GGT1: variants seen among roughly 807,000 people sequenced by gnomAD.
GGT1 encodes the protein gamma-glutamyltransferase 1, also known as glutathione hydrolase 1 proenzyme.
GGT1 carries 21 observed loss-of-function variants against 56.0 expected under a neutral mutation model. That is an observed-to-expected ratio of 0.38 (90% CI 0.27 to 0.54). The LOEUF is 0.54. Ranked by LOEUF, GGT1 falls within the 20% of genes least tolerant of loss-of-function variation. The pLI is 0.82. For missense variants in GGT1, 466 were observed against 787.0 expected, an observed-to-expected ratio of 0.59 and a Z score of 4.88; for synonymous variants, 238 against 342.6, an observed-to-expected ratio of 0.69 and a Z score of 3.37.
intron 9 of GGT1, among the ~76,000 whole-genome samples, chr22:24,621,764 C>T (rs184621272): frequency 6.6e-6 from 1 of 152,200 alleles, no homozygotes; most frequent in East Asian, 1.9e-4. Flanking sequence ...AGAAAAGGCC[C>T]TCTGAGCCAG....
upstream of GGT1, among the ~76,000 whole-genome samples, chr22:24,600,633 C>T (rs2045766959): frequency 2.0e-5 from 3 of 152,216 alleles, no homozygotes; most frequent in South Asian, 6.2e-4. Context: ...GGAGTTCTGC[C>T]CATGCCCACA....
chr22:24,601,396 A>G (rs1358991296), upstream of GGT1, among the ~76,000 whole-genome samples: 1 of 152,198 alleles, frequency 6.6e-6, no homozygotes, highest in Admixed American at 6.5e-5. Flanking sequence ...TGGGGCTGCA[A>G]TGAGATGCCA....
At chr22:24,589,275 G>A in the GGT1 span, 2,341 of 1,247,996 alleles carry the variant, frequency 1.9e-3, 2 homozygotes, top group Admixed American at 2.8e-3. Flanking sequence ...GCTGTGGGGT[G>A]GAGGCTGCAG....
the GGT1 span, chr22:24,585,863 C>A: frequency 6.5e-7 from 1 of 1,547,572 alleles, no homozygotes; most frequent in East Asian, 2.4e-5. Context: ...AAGTCAGTAG[C>A]AATGAGCCAG....
chr22:24,612,123 A>G (rs764388435), intron 5 of GGT1, among the ~76,000 whole-genome samples: 1 of 151,804 alleles, frequency 6.6e-6, no homozygotes, highest in Non-Finnish European at 1.5e-5. Context: ...TGTTTTTAGT[A>G]GAGATGGGGT....
chr22:24,623,050 T>C, intron 9 of GGT1, 57 bp from the exon 10 acceptor site: 1 of 1,609,304 alleles, frequency 6.2e-7, no homozygotes, highest in Admixed American at 1.7e-5. Flanking sequence ...AGCTCCATCC[T>C]CCACGCAGTG....
At chr22:24,621,112 G>C in intron 9 of GGT1, 42 bp downstream of exon 9, 1 of 1,548,430 alleles carries the variant, frequency 6.5e-7, no homozygotes, top group Non-Finnish European at 8.7e-7. Context: ...GAACTCTGCA[G>C]TGGAAACCCT....
At chr22:24,586,051 G>A in the GGT1 span, 13 of 1,611,636 alleles carry the variant, frequency 8.1e-6, no homozygotes, top group South Asian at 6.6e-5. Context: ...GGCGCAGGCC[G>A]ACCAGCAGGG....
rs2047338622 is a variant in GGT1 at position 24,620,254 on chromosome 22, T to A, written c.383-74T>A. ...CATCTGTAAAATGAGTCAGGGACTG[T>A]GCCTGGGATGCTGCCTGCGAGAGAT... On this transcript the variant is annotated intron_variant, in intron 7 of 15. Coordinates refer to ENST00000400382, the MANE Select transcript of GGT1 (RefSeq NM_001288833.2). This position sits in a 1 kb window ranked among gnomAD's most constrained non-coding sequence, Gnocchi z 5.6. The A allele has an allele frequency of 6.6e-7, 1 of 1,521,056 alleles. No homozygotes were observed. Among genetic ancestry groups the A allele is most frequent in the South Asian group, 1.2e-5 (1 of 84,152 alleles). 94.2% of individuals were successfully genotyped at this position (1,521,056 alleles called of 1,614,324 possible). A position where few individuals can be genotyped will look rare whatever the true frequency, so the allele number is the denominator to read the frequency against.
At chr22:24,594,240 G>A (rs1239868762), upstream of GGT1, among the ~76,000 whole-genome samples, 4 of 152,062 alleles carry the variant, frequency 2.6e-5, no homozygotes, top group Admixed American at 6.6e-5. Context: ...CATCTCCTGC[G>A]TGGGGAACGT....
chr22:24,611,555 T>TATCTATC (rs2046678676), intron 5 of GGT1, among the ~76,000 whole-genome samples: 1 of 57,910 alleles, frequency 1.7e-5, no homozygotes, highest in Non-Finnish European at 4.0e-5. Flanking sequence ...TCTATCTATC[T>TATCTATC]ATCTATCTAT....
intron 7 of GGT1, among the ~76,000 whole-genome samples, chr22:24,617,146 G>C (rs1301912180): frequency 6.6e-6 from 1 of 152,174 alleles, no homozygotes; most frequent in Non-Finnish European, 1.5e-5. Context: ...ATCTGGGACT[G>C]TATAGAGGGT....
At chr22:24,612,327 A>C (rs1406645197) in intron 5 of GGT1, among the ~76,000 whole-genome samples, 2 of 141,556 alleles carry the variant, frequency 1.4e-5, no homozygotes, top group African/African-American at 2.7e-5. Context: ...TTATACTTTA[A>C]GTTTTAGGGT....
chr22:24,628,990 G>C lies in GGT1; in HGVS notation c.*151G>C, dbSNP rs1300009428. 70 of 1,079,150 alleles carry C rather than the reference G, an allele frequency of 6.5e-5. No individual in the cohort carries two copies. Among genetic ancestry groups the C allele is most frequent in the Non-Finnish European group, 7.6e-5 (56 of 741,444 alleles). The allele number at this position is 1,079,150 out of a possible 1,614,324, so 66.8% of individuals were successfully genotyped here. ...TGCCAGGCTCCAGGTGGCCTCCCTG[G>C]CCTGTCTCCCCACTCTCTGGGCCTC... On this transcript the variant is annotated 3_prime_UTR_variant, in exon 16 of 16. Transcript: ENST00000400382. The surrounding 1 kb of genome is among the most constrained non-coding windows in gnomAD (Gnocchi z 5.7).
the GGT1 span, chr22:24,585,968 G>A: frequency 6.2e-7 from 1 of 1,609,884 alleles, no homozygotes; most frequent in Non-Finnish European, 8.5e-7. Flanking sequence ...GGTGGCCCCG[G>A]CCGCACTGCC....
intron 1 of GGT1, among the ~76,000 whole-genome samples, chr22:24,596,651 G>A (rs907652389): frequency 4.0e-5 from 6 of 150,398 alleles, no homozygotes; most frequent in Non-Finnish European, 5.9e-5. Context: ...TGTAATCCCA[G>A]CACTTTTGGA....
In GGT1 at chr22:24,621,066, G is replaced by A. The variant is rs1414615168; in HGVS notation, c.729G>A (p.Ala243=). The stretch of plus-strand genomic sequence containing the variant: ...CCCAGATTGTGAAGGACATCCAGGC[G>A]GCCGGTGAGTGGGTAACCTCAGGGG... ...LTAQIVKDIQ[A]AGGIVTAEDL... is the part of the protein sequence containing the mutation. Residue 243 remains alanine (A), a synonymous_variant, in exon 9 of 16, where the codon GCG becomes GCA. Transcript: ENST00000400382. The A allele has an allele frequency of 6.3e-6, 10 of 1,575,892 alleles. No homozygotes were observed. Among genetic ancestry groups the A allele is most frequent in the Middle Eastern group, 4.5e-4 (2 of 4,420 alleles).
upstream of GGT1, chr22:24,592,691 C>A: frequency 8.4e-7 from 1 of 1,186,378 alleles, no homozygotes; most frequent in Non-Finnish European, 1.1e-6. Context: ...CAAGACCCCG[C>A]GTGCTGCAGC....
At chr22:24,610,773 G>C (rs1270038748) in intron 4 of GGT1, among the ~76,000 whole-genome samples, 1 of 145,822 alleles carries the variant, frequency 6.9e-6, no homozygotes, top group African/African-American at 2.5e-5. Flanking sequence ...GCAGAAAGAG[G>C]GGTGTGGAAA....
Sources: allele counts gnomAD v4.1 joint callset (sites outside exome capture counted in the v4.1 genomes callset), GRCh38; gene constraint gnomAD v4.1.1; non-coding constraint Gnocchi (gnomAD v3.1); transcripts MANE v1.5; gene names NCBI Gene and HGNC (gene_info 2026-07-23, HGNC 2026-07-21).